Variants in ARHGAP15 observed in about 807,000 individuals in gnomAD.
The protein encoded by ARHGAP15 is rho GTPase-activating protein 15.
A neutral mutation model predicts 63.7 loss-of-function variants in ARHGAP15; 51 were observed. That is an observed-to-expected ratio of 0.80 (90% CI 0.64 to 1.01). The LOEUF (loss-of-function observed/expected upper bound fraction) is 1.01, where lower values mean the gene tolerates loss of function less well. Among genes scored for constraint, ARHGAP15 ranks in the 50% least tolerant of loss-of-function variants. The pLI, the probability that ARHGAP15 is intolerant of heterozygous loss-of-function variation, is 0.00. For missense variants in ARHGAP15, 560 were observed against 564.6 expected (o/e 0.99, Z 0.08); for synonymous variants, 191 against 193.8 (o/e 0.99, Z 0.12).
chr2:143,249,051 A>G (rs750401259), intron 5 of ARHGAP15, among the ~76,000 whole-genome samples: 1 of 152,176 alleles, frequency 6.6e-6, no homozygotes, highest in Non-Finnish European at 1.5e-5. Flanking sequence ...GACAAAGACT[A>G]TCATTATCAT....
At chr2:143,362,883 T>C (rs1436121406) in intron 6 of ARHGAP15, among the ~76,000 whole-genome samples, 1 of 152,170 alleles carries the variant, frequency 6.6e-6, no homozygotes, top group African/African-American at 2.4e-5. Flanking sequence ...ATGGTCCATG[T>C]CACCATTATC....
intron 10 of ARHGAP15, among the ~76,000 whole-genome samples, chr2:143,538,938 T>G (rs1463327480): frequency 6.6e-6 from 1 of 152,258 alleles, no homozygotes; most frequent in African/African-American, 2.4e-5. Context: ...TTGATTGGTA[T>G]AGTTTCAGAA....
intron 6 of ARHGAP15, among the ~76,000 whole-genome samples, chr2:143,423,086 A>G (rs1688997102): frequency 6.6e-6 from 1 of 152,138 alleles, no homozygotes; most frequent in East Asian, 1.9e-4. Context: ...AAGATCAGGA[A>G]CCAGAAAGAG....
At chr2:143,642,059 T>C (rs1680628375) in intron 12 of ARHGAP15, among the ~76,000 whole-genome samples, 1 of 152,102 alleles carries the variant, frequency 6.6e-6, no homozygotes, top group Non-Finnish European at 1.5e-5. Flanking sequence ...AAAACACCAG[T>C]AAATATTAAG....
intron 6 of ARHGAP15, among the ~76,000 whole-genome samples, chr2:143,343,251 G>C (rs967950176): frequency 2.6e-5 from 4 of 152,042 alleles, no homozygotes; most frequent in African/African-American, 4.8e-5. Flanking sequence ...AGGGAGCATG[G>C]AGAGAGGCTA....
At chr2:143,703,335 A>C in intron 12 of ARHGAP15, 84 bp from the exon 13 acceptor site, 2 of 1,113,904 alleles carry the variant, frequency 1.8e-6, no homozygotes, top group Non-Finnish European at 2.5e-6. Context: ...TCAGTCCAAA[A>C]TTTTCTCAAG....
At chr2:143,591,673 T>G (rs1247009317) in intron 11 of ARHGAP15, among the ~76,000 whole-genome samples, 1 of 150,582 alleles carries the variant, frequency 6.6e-6, no homozygotes, top group East Asian at 1.9e-4. Context: ...CAGGCTGGAG[T>G]GCAATGGCAC....
intron 2 of ARHGAP15, among the ~76,000 whole-genome samples, chr2:143,192,454 C>T (rs181273771): frequency 2.7e-4 from 41 of 152,364 alleles, no homozygotes; most frequent in Admixed American, 4.6e-4. Context: ...ACATACCTTC[C>T]GGCACAGCTC....
At chr2:143,207,830 G>A (rs537591171) in intron 3 of ARHGAP15, among the ~76,000 whole-genome samples, 34 of 152,062 alleles carry the variant, frequency 2.2e-4, no homozygotes, top group African/African-American at 6.7e-4. Context: ...ATTCATTATC[G>A]TTCACATTGA....
At chr2:143,602,825 A>G (rs1171505603) in intron 11 of ARHGAP15, among the ~76,000 whole-genome samples, 1 of 152,126 alleles carries the variant, frequency 6.6e-6, no homozygotes, top group Non-Finnish European at 1.5e-5. Flanking sequence ...TCCAATACAA[A>G]CATTTTTTTC....
chr2:143,171,929 C>G (rs1259964895), intron 2 of ARHGAP15: 1 of 152,030 alleles, frequency 6.6e-6, no homozygotes, highest in Non-Finnish European at 1.5e-5. Flanking sequence ...ATCAAAGACA[C>G]AGGTTTATCA....
intron 12 of ARHGAP15, among the ~76,000 whole-genome samples, chr2:143,695,080 A>G (rs576899172): frequency 6.6e-6 from 1 of 152,336 alleles, no homozygotes; most frequent in East Asian, 1.9e-4. Context: ...TAGCTAGTTG[A>G]GTATTTGAAT....
intron 13 of ARHGAP15, among the ~76,000 whole-genome samples, chr2:143,735,025 C>T (rs757045647): frequency 4.6e-5 from 7 of 152,128 alleles, no homozygotes; most frequent in Non-Finnish European, 8.8e-5. Context: ...AATTAAAAAA[C>T]GAAATAGTAG....
At chr2:143,377,858 A>G (rs1340960038) in intron 6 of ARHGAP15, among the ~76,000 whole-genome samples, 1 of 152,094 alleles carries the variant, frequency 6.6e-6, no homozygotes, top group Non-Finnish European at 1.5e-5. Context: ...AATGATGTTT[A>G]TAAATAGGCT....
intron 8 of ARHGAP15, among the ~76,000 whole-genome samples, chr2:143,465,728 A>G (rs1005926330): frequency 2.0e-5 from 3 of 151,368 alleles, no homozygotes; most frequent in Non-Finnish European, 4.4e-5. Context: ...TTTTCTTTTC[A>G]TCACTACTTT....
intron 9 of ARHGAP15, among the ~76,000 whole-genome samples, chr2:143,509,753 T>G (rs1574553142): frequency 6.6e-6 from 1 of 152,086 alleles, no homozygotes; most frequent in Non-Finnish European, 1.5e-5. Flanking sequence ...CTGGGCATGG[T>G]GGTCCACACC....
intron 9 of ARHGAP15, among the ~76,000 whole-genome samples, chr2:143,490,145 G>A (rs1425586748): frequency 5.9e-5 from 9 of 151,986 alleles, no homozygotes; most frequent in African/African-American, 2.2e-4. Context: ...GACTACAGGT[G>A]CCCGCCACCA....
intron 2 of ARHGAP15, among the ~76,000 whole-genome samples, chr2:143,181,998 G>A (rs1691253296): frequency 6.7e-6 from 1 of 149,426 alleles, no homozygotes; most frequent in Non-Finnish European, 1.5e-5. Context: ...GCTGGGTGCA[G>A]TGGTGTGATC....
chr2:143,243,231 G>T (rs1370137170), intron 5 of ARHGAP15, among the ~76,000 whole-genome samples: 2 of 152,062 alleles, frequency 1.3e-5, no homozygotes, highest in African/African-American at 4.8e-5. Flanking sequence ...AATCCCACAG[G>T]TTTAATCTAA....
Sources: allele counts gnomAD v4.1 joint callset (sites outside exome capture counted in the v4.1 genomes callset), GRCh38; gene constraint gnomAD v4.1.1; transcripts MANE v1.5; gene names NCBI Gene and HGNC (gene_info 2026-07-23, HGNC 2026-07-21).